The following EHMT1 variants were observed in gnomAD, a reference collection of about 807,000 sequenced individuals.
EHMT1 encodes euchromatic histone lysine methyltransferase 1.
A neutral mutation model predicts 147.2 loss-of-function variants in EHMT1; 15 were observed. That is an observed-to-expected ratio of 0.10 (90% CI 0.07 to 0.16). The LOEUF (loss-of-function observed/expected upper bound fraction) is 0.16, where lower values mean the gene tolerates loss of function less well. Ranked by LOEUF, EHMT1 falls within the 10% of genes least tolerant of loss-of-function variation. The pLI, the probability that EHMT1 is intolerant of heterozygous loss-of-function variation, is 1.00. For missense variants in EHMT1, 1,587 were observed against 1,772.4 expected (o/e 0.90, Z 1.88); for synonymous variants, 795 against 709.6 (o/e 1.12, Z -1.91).
chr9:137,666,326 T>A (rs553220764), intron 1 of EHMT1, among the ~76,000 whole-genome samples: 1 of 152,254 alleles, frequency 6.6e-6, no homozygotes, highest in Non-Finnish European at 1.5e-5. Context: ...ACTCTGACCT[T>A]TTTCAGTTAT....
intron 1 of EHMT1, among the ~76,000 whole-genome samples, chr9:137,708,582 TAAGAA>T (rs1365171280): frequency 6.6e-6 from 1 of 152,226 alleles, no homozygotes; most frequent in Non-Finnish European, 1.5e-5. Context: ...GCTCATGTAA[TAAGAA>T]AAGTCATAAA....
At chr9:137,678,036 TCCAGCC>T (rs1941549532) in intron 1 of EHMT1, among the ~76,000 whole-genome samples, 1 of 152,000 alleles carries the variant, frequency 6.6e-6, no homozygotes, top group Non-Finnish European at 1.5e-5. Context: ...GCCACTGCAC[TCCAGCC>T]TGGGCGACAG....
intron 21 of EHMT1, 126 bp from the exon 22 acceptor site, chr9:137,814,305 C>G (rs1437390359): frequency 1.0e-6 from 1 of 985,740 alleles, no homozygotes; most frequent in African/African-American, 1.6e-5. Flanking sequence ...CACACACTCA[C>G]GTGGTGCCTT....
chr9:137,808,878 G>A lies in EHMT1; in HGVS notation c.2713-2583G>A, dbSNP rs1472288155. Among the ~76,000 whole-genome samples, 6 of 152,110 alleles carry A rather than the reference G, an allele frequency of 3.9e-5. No homozygotes were observed. The South Asian group carries it at 6.2e-4, about 16-fold the overall frequency. ...GCAGAGGTTGCAGTGAACCAAGATC[G>A]TGCCAACTGCATTCCAGCCTGGGTG... On this transcript the variant is annotated intron_variant, in intron 18 of 26. Coordinates refer to ENST00000460843, the MANE Select transcript of EHMT1 (RefSeq NM_024757.5).
chr9:137,687,153 C>G (rs1176794404), intron 1 of EHMT1, among the ~76,000 whole-genome samples: 2 of 152,148 alleles, frequency 1.3e-5, no homozygotes, highest in East Asian at 3.8e-4. Flanking sequence ...GGGCTTATTT[C>G]TAGGTTCATA....
intron 9 of EHMT1, among the ~76,000 whole-genome samples, chr9:137,758,793 A>T (rs1949575193): frequency 6.6e-6 from 1 of 152,096 alleles, no homozygotes; most frequent in Non-Finnish European, 1.5e-5. Flanking sequence ...CACCTATGTA[A>T]TTCACCTAGG....
rs1242300490 is a variant in EHMT1 at position 137,624,885 on chromosome 9, C to CT, written c.21+5850dup. 2.7e-3 allele frequency among the ~76,000 whole-genome samples: 393 copies of CT among 143,202 alleles called. 1 individual carries two copies. Among genetic ancestry groups the CT allele is most frequent in the East Asian group, 4.2e-3 (21 of 4,968 alleles). 93.9% of individuals were successfully genotyped at this position (143,202 alleles called of 152,430 possible). Reference sequence around the variant, plus strand: ...CCGAGCCTGGCCCAGTTTCATTCTTCTTTTTTTTTTTTTTGAGATGGAGTT... The same window carrying CT: ...CCGAGCCTGGCCCAGTTTCATTCTTCTTTTTTTTTTTTTTTGAGATGGAGTT... On this transcript the variant is annotated intron_variant, in intron 1 of 26. Coordinates refer to ENST00000460843, the MANE Select transcript of EHMT1 (RefSeq NM_024757.5).
Position 137,776,280 on chromosome 9 carries a change from C to T in EHMT1, c.1792-338C>T, listed in dbSNP as rs527937144. ...TGTGCCCTGAGGTGCTGTCGTCTGT[C>T]CCTGTCCCTATCCGCCCTTCAGAGT... On this transcript the variant is annotated intron_variant, in intron 11 of 26. Transcript: ENST00000460843. This position sits in a 1 kb window ranked among gnomAD's most constrained non-coding sequence, Gnocchi z 4.4. 6.6e-6 allele frequency among the ~76,000 whole-genome samples: 1 copy of T among 152,298 alleles called. No individual in the cohort carries two copies. The highest frequency in any genetic ancestry group is 2.4e-5 in the African/African-American group (1 of 41,578).
Position 137,787,626 on chromosome 9 carries a change from G to A in EHMT1, c.2383-3222G>A, listed in dbSNP as rs777769045. 1 of 529,248 alleles carries A rather than the reference G, an allele frequency of 1.9e-6. No homozygotes were observed. The highest frequency in any genetic ancestry group is 3.4e-6 in the Non-Finnish European group (1 of 293,552). The allele number at this position is 529,248 out of a possible 1,614,324, so 32.8% of individuals were successfully genotyped here. A position where few individuals can be genotyped will look rare whatever the true frequency, so the allele number is the denominator to read the frequency against. On this transcript the variant is annotated intron_variant, in intron 15 of 26. Transcript: ENST00000460843. The surrounding 1 kb of genome is among the most constrained non-coding windows in gnomAD (Gnocchi z 4.2). The stretch of plus-strand genomic sequence containing the variant: ...CTTGGCTCCCTGGCAACAAGCTGGG[G>A]GTGGAAGCGGGAGGGAGGAGGGGCC...
chr9:137,759,812 G>A (rs556723042), intron 9 of EHMT1, among the ~76,000 whole-genome samples: 1 of 152,344 alleles, frequency 6.6e-6, no homozygotes, highest in Admixed American at 6.5e-5. Context: ...AGTGGCGCTG[G>A]ATGGCGTCTG....
At chr9:137,721,183 C>A (rs1564637680) in intron 3 of EHMT1, among the ~76,000 whole-genome samples, 1 of 150,888 alleles carries the variant, frequency 6.6e-6, no homozygotes, top group Non-Finnish European at 1.5e-5. Flanking sequence ...TCACCCCCTC[C>A]CAGACTTCTC....
At chr9:137,717,520 G>A (rs1215026650) in intron 3 of EHMT1, among the ~76,000 whole-genome samples, 2 of 150,622 alleles carry the variant, frequency 1.3e-5, no homozygotes, top group South Asian at 2.1e-4. Context: ...TGAGGTGGGA[G>A]GATTGCTTGA....
At chr9:137,710,913 G>A in intron 1 of EHMT1, 54 bp from the exon 2 acceptor site, 1 of 1,550,164 alleles carries the variant, frequency 6.5e-7, no homozygotes, top group Non-Finnish European at 8.7e-7. Flanking sequence ...ATGTCCATTT[G>A]GAAAAGCGGC....
chr9:137,757,858 T>C, intron 8 of EHMT1, 22 bp from the exon 9 acceptor site: 1 of 1,613,414 alleles, frequency 6.2e-7, no homozygotes, highest in Non-Finnish European at 8.5e-7. Flanking sequence ...TGGTGTCTGA[T>C]GTGTGTGCCT....
intron 25 of EHMT1, chr9:137,823,452 C>T: frequency 5.4e-6 from 2 of 373,196 alleles, no homozygotes; most frequent in Non-Finnish European, 5.2e-6. Flanking sequence ...GGCTCTGTCA[C>T]CCAGGCTGGA....
At chr9:137,728,748 T>C (rs1205077759) in intron 4 of EHMT1, among the ~76,000 whole-genome samples, 2 of 152,190 alleles carry the variant, frequency 1.3e-5, no homozygotes, top group African/African-American at 4.8e-5. Context: ...TCCTAGCTTG[T>C]TAACATTCTC....
intron 1 of EHMT1, among the ~76,000 whole-genome samples, chr9:137,620,497 C>T (rs1405684068): frequency 6.6e-6 from 1 of 152,204 alleles, no homozygotes; most frequent in South Asian, 2.1e-4. Context: ...CTCACTGCAG[C>T]TTCGACCACC....
chr9:137,814,056 G>GCC (rs71387862), intron 21 of EHMT1, among the ~76,000 whole-genome samples: 7 of 50,062 alleles, frequency 1.4e-4, no homozygotes, highest in African/African-American at 3.5e-4. Context: ...CACTGCCCAG[G>GCC]CCCCCCCCCC....
chr9:137,805,110 G>C (rs557401532), intron 18 of EHMT1, among the ~76,000 whole-genome samples: 1 of 118,760 alleles, frequency 8.4e-6, no homozygotes, highest in African/African-American at 9.0e-5. Flanking sequence ...GTGTGAGTCA[G>C]TCATCTGCAT....
Sources: allele counts gnomAD v4.1 joint callset (sites outside exome capture counted in the v4.1 genomes callset), GRCh38; gene constraint gnomAD v4.1.1; non-coding constraint Gnocchi (gnomAD v3.1); transcripts MANE v1.5; gene names NCBI Gene and HGNC (gene_info 2026-07-23, HGNC 2026-07-21).